Variants in COPG2 observed in about 807,000 individuals in gnomAD.
COPG2 encodes the protein coat protein complex I subunit gamma 2.
Under a neutral mutation model 46.3 loss-of-function variants are expected in COPG2, and 37 were observed. That is an observed-to-expected ratio of 0.80 (90% CI 0.61 to 1.05). COPG2 has a LOEUF of 1.05. Among genes scored for constraint, COPG2 ranks in the 50% least tolerant of loss-of-function variants. The pLI is 0.00. For missense variants in COPG2, 427 were observed against 387.8 expected, an observed-to-expected ratio of 1.10 and a Z score of -0.85; for synonymous variants, 159 against 129.7, an observed-to-expected ratio of 1.23 and a Z score of -1.53.
chr7:130,547,946 TACA>T (rs1793472192), intron 19 of COPG2, 101 bp from the exon 20 acceptor site: 3 of 397,084 alleles, frequency 7.6e-6, no homozygotes, highest in African/African-American at 2.1e-5. Flanking sequence ...CTTCTATCTC[TACA>T]GAGCAGGGTA....
chr7:130,513,940 T>C (rs1301589175), intron 20 of COPG2, among the ~76,000 whole-genome samples: 1 of 151,926 alleles, frequency 6.6e-6, no homozygotes, highest in African/African-American at 2.4e-5. Flanking sequence ...AAGTGTAAGA[T>C]TAAATAAGGA....
intron 5 of COPG2, chr7:130,645,181 G>A (rs782605554): frequency 2.7e-5 from 17 of 619,352 alleles, no homozygotes; most frequent in South Asian, 1.0e-4. Context: ...ATGCTTCCAC[G>A]TATTCAGAGA....
At chr7:130,547,987 C>T in intron 19 of COPG2, 142 bp from the exon 20 acceptor site, 2 of 397,194 alleles carry the variant, frequency 5.0e-6, no homozygotes, top group Non-Finnish European at 8.9e-6. Flanking sequence ...CTTCTTTTGG[C>T]AACAGGGAGA....
intron 20 of COPG2, among the ~76,000 whole-genome samples, chr7:130,537,953 A>G (rs1799898438): frequency 1.3e-5 from 2 of 152,150 alleles, no homozygotes; most frequent in East Asian, 3.9e-4. Context: ...AGGCCAGAGG[A>G]CACAACAGAG....
At chr7:130,512,218 C>CACAACTCTCCTTGTTAATAT (rs1554441109) in intron 20 of COPG2, among the ~76,000 whole-genome samples, 1 of 151,282 alleles carries the variant, frequency 6.6e-6, no homozygotes, top group Admixed American at 6.6e-5. Flanking sequence ...CTTGTTAATA[C>CACAACTCTCCTTGTTAATAT]ACAACTCTCC....
chr7:130,654,833 TTTTGTTTGTTTG>T (rs71178600), intron 4 of COPG2, among the ~76,000 whole-genome samples: 5 of 151,416 alleles, frequency 3.3e-5, no homozygotes, highest in African/African-American at 9.7e-5. Flanking sequence ...CCCTGGGTTT[TTTTGTTTGTTTG>T]TTTGTTTGTC....
At chr7:130,625,888 C>A (rs912169005) in intron 5 of COPG2, among the ~76,000 whole-genome samples, 1 of 151,670 alleles carries the variant, frequency 6.6e-6, no homozygotes, top group Admixed American at 6.6e-5. Flanking sequence ...CTTTTTATTC[C>A]TTCCTTTTCA....
At chr7:130,661,555 C>A (rs1176848542) in intron 4 of COPG2, among the ~76,000 whole-genome samples, 1 of 152,130 alleles carries the variant, frequency 6.6e-6, no homozygotes, top group African/African-American at 2.4e-5. Flanking sequence ...AAGATATGAA[C>A]CTGAAGTTGC....
intron 5 of COPG2, among the ~76,000 whole-genome samples, chr7:130,631,022 A>T (rs797039781): frequency 7.2e-5 from 11 of 152,242 alleles, no homozygotes; most frequent in African/African-American, 2.2e-4. Flanking sequence ...CTTAAAAAAA[A>T]TCCAATCTAG....
intron 20 of COPG2, among the ~76,000 whole-genome samples, chr7:130,543,595 C>A (rs1793379345): frequency 1.3e-5 from 2 of 152,132 alleles, no homozygotes; most frequent in African/African-American, 4.8e-5. Context: ...ACCAAGAGAA[C>A]AGGAAGGAAG....
intron 9 of COPG2, among the ~76,000 whole-genome samples, chr7:130,587,813 AGCTTCAGCACAGC>A (rs1794304922): frequency 6.6e-6 from 1 of 152,210 alleles, no homozygotes; most frequent in Admixed American, 6.5e-5. Context: ...TAAACTAAAG[AGCTTCAGCACAGC>A]AAAAGAAACC....
chr7:130,637,918 CT>C (rs1795377341), intron 5 of COPG2, among the ~76,000 whole-genome samples: 3 of 152,060 alleles, frequency 2.0e-5, no homozygotes, highest in Non-Finnish European at 4.4e-5. Flanking sequence ...TGTGGATGTC[CT>C]TTTTGTTGAT....
rs1554440543 is a variant in COPG2 at position 130,508,564 on chromosome 7, C to G, written c.2245G>C (p.Val749Leu). Residue 749 changes from valine (V) to leucine (L), a missense_variant and splice_region_variant, in exon 21 of 24, where the codon GTG becomes CTG. Val to Leu is a conservative substitution (Grantham distance 32). Coordinates refer to ENST00000425248, the MANE Select transcript of COPG2 (RefSeq NM_012133.6). ...GTCTCTATGCTGGGAAGACTCACCA[C>G]ATACTCATCATCATACCCATCCTCA... is the stretch of plus-strand genomic sequence containing the variant. ...PDEDGYDDEY[V>L]LEDLEVTVSD... 2.6e-6 allele frequency: 2 copies of G among 774,686 alleles called. No individual in the cohort carries two copies. The highest frequency in any genetic ancestry group is 3.4e-5 in the African/African-American group (2 of 59,090). 48.0% of individuals were successfully genotyped at this position (774,686 alleles called of 1,614,324 possible). A position where few individuals can be genotyped will look rare whatever the true frequency, so the allele number is the denominator to read the frequency against.
At chr7:130,534,450 T>C (rs1440604254) in intron 20 of COPG2, among the ~76,000 whole-genome samples, 1 of 151,840 alleles carries the variant, frequency 6.6e-6, no homozygotes, top group Admixed American at 6.5e-5. Context: ...GAGAAAGATA[T>C]GGAGGTGCAG....
intron 22 of COPG2, 115 bp downstream of exon 22, chr7:130,507,570 G>A (rs1483202527): frequency 1.5e-6 from 1 of 652,746 alleles, no homozygotes; most frequent in Non-Finnish European, 2.8e-6. Context: ...GGCCTTTTAA[G>A]TAAGAGATTT....
At chr7:130,582,821 T>G (rs1278202460) in intron 9 of COPG2, among the ~76,000 whole-genome samples, 9 of 151,770 alleles carry the variant, frequency 5.9e-5, no homozygotes, top group African/African-American at 2.2e-4. Context: ...ACAGTTAGAA[T>G]GGCAATCATT....
intron 9 of COPG2, among the ~76,000 whole-genome samples, chr7:130,600,556 C>G (rs1794616847): frequency 1.3e-5 from 2 of 152,174 alleles, no homozygotes; most frequent in Admixed American, 6.5e-5. Context: ...AGCCACTATG[C>G]CTGGCCCATT....
At chr7:130,601,975 A>G (rs996148429) in intron 9 of COPG2, among the ~76,000 whole-genome samples, 7 of 152,222 alleles carry the variant, frequency 4.6e-5, no homozygotes, top group Non-Finnish European at 1.0e-4. Flanking sequence ...GAGGCTTGTC[A>G]ACAACTATAT....
In COPG2 at chr7:130,507,292, G is replaced by A. The variant is rs1799511822; in HGVS notation, c.2467C>T (p.His823Tyr). 1 of 780,720 alleles carries A rather than the reference G, an allele frequency of 1.3e-6. No homozygotes were observed. The highest frequency in any genetic ancestry group is 2.4e-6 in the Non-Finnish European group (1 of 417,840). The allele number at this position is 780,720 out of a possible 1,614,324, so 48.4% of individuals were successfully genotyped here. Residue 823 changes from histidine to tyrosine, a missense_variant, in exon 23 of 24, where the codon CAT (histidine) becomes TAT (tyrosine). Coordinates refer to ENST00000425248, the MANE Select transcript of COPG2 (RefSeq NM_012133.6). ...TTCTTACCTGCCAGATAGAGCGAAT[G>A]GGAATTCTTGTTCTCAGGTACTTTA... ...SDKVPENKNS[H>Y]SLYLAGIFRG...
Sources: gnomAD v4.1 joint callset for allele counts (sites outside exome capture counted in the v4.1 genomes callset) on GRCh38, gnomAD v4.1.1 for gene constraint, MANE v1.5 for transcripts, NCBI Gene and HGNC (gene_info 2026-07-23, HGNC 2026-07-21) for gene names.